INPP5K: variants seen among roughly 807,000 people sequenced by gnomAD.
The protein encoded by INPP5K is inositol polyphosphate 5-phosphatase K.
INPP5K carries 35 observed loss-of-function variants against 53.5 expected under a neutral mutation model. The ratio of observed to expected loss-of-function variants is 0.65; its 90% CI spans 0.50 to 0.87. The LOEUF (loss-of-function observed/expected upper bound fraction) is 0.87, where lower values mean the gene tolerates loss of function less well. Ranked by LOEUF, INPP5K falls within the 40% of genes least tolerant of loss-of-function variation. The pLI, the probability that INPP5K is intolerant of heterozygous loss-of-function variation, is 0.00. For synonymous variants in INPP5K, 253 were observed against 232.8 expected (o/e 1.09, Z -0.79); for missense variants, 550 against 586.2 (o/e 0.94, Z 0.64).
chr17:1,505,929 G>C (rs1031074033), intron 7 of INPP5K, among the ~76,000 whole-genome samples: 58 of 152,310 alleles, frequency 3.8e-4, no homozygotes, highest in African/African-American at 1.1e-3. Context: ...TGTTGCCAGT[G>C]GTTCTTTCTC....
At chr17:1,516,173 GT>G (rs2075430860) in intron 1 of INPP5K, 1 of 1,176,502 alleles carries the variant, frequency 8.5e-7, no homozygotes. Flanking sequence ...TGACGGCCTC[GT>G]TATGTCTTTA....
rs14391 is a variant in INPP5K, at chr17:1,495,006, C to T, written c.*817G>A. On this transcript the variant is annotated 3_prime_UTR_variant, in exon 12 of 12. Coordinates refer to ENST00000421807, the MANE Select transcript of INPP5K (RefSeq NM_016532.4). ...TGACAAGGGTGGCACAGACGCACCT[C>T]ACCTGCCAAGGACCACCCTGGAAAA... is the stretch of plus-strand genomic sequence containing the variant. 1 of 152,196 alleles carries T rather than the reference C, an allele frequency of 6.6e-6. No homozygotes were observed. The highest frequency in any genetic ancestry group is 1.5e-5 in the Non-Finnish European group (1 of 68,052). The allele number at this position is 152,196 out of a possible 1,614,324, so 9.4% of individuals were successfully genotyped here.
chr17:1,496,018 T>G, intron 11 of INPP5K, 42 bp downstream of exon 11: 1 of 1,484,398 alleles, frequency 6.7e-7, no homozygotes, highest in Non-Finnish European at 9.4e-7. Context: ...AGTGATGAGC[T>G]CAAGCCCTCA....
intron 1 of INPP5K, among the ~76,000 whole-genome samples, chr17:1,514,598 C>G (rs550732590): frequency 6.6e-6 from 1 of 152,068 alleles, no homozygotes; most frequent in Admixed American, 6.6e-5. Context: ...TCAGGTCAGG[C>G]TAGCGAAGGG....
chr17:1,515,038 C>G (rs2075400813), intron 1 of INPP5K, among the ~76,000 whole-genome samples: 1 of 151,750 alleles, frequency 6.6e-6, no homozygotes, highest in African/African-American at 2.4e-5. Context: ...TCCCAAGTAG[C>G]TGGGATTACA....
intron 11 of INPP5K, 81 bp from the exon 12 acceptor site, chr17:1,495,960 C>A: frequency 7.1e-7 from 1 of 1,418,120 alleles, no homozygotes; most frequent in Non-Finnish European, 1.0e-6. Flanking sequence ...TGCACTGCAG[C>A]GGCCCCTCAT....
intron 3 of INPP5K, among the ~76,000 whole-genome samples, chr17:1,511,977 T>C (rs553771046): frequency 3.3e-5 from 5 of 151,472 alleles, no homozygotes; most frequent in Non-Finnish European, 5.9e-5. Flanking sequence ...GGAAATGAAG[T>C]AGGAGGAGCG....
At chr17:1,497,393 G>A (rs1394704776) in intron 8 of INPP5K, among the ~76,000 whole-genome samples, 2 of 152,144 alleles carry the variant, frequency 1.3e-5, no homozygotes, top group African/African-American at 4.8e-5. Flanking sequence ...TCAATCACTT[G>A]AGCCCAGGAG....
At chr17:1,515,730 C>G in intron 1 of INPP5K, 1 of 616,742 alleles carries the variant, frequency 1.6e-6, no homozygotes, top group Non-Finnish European at 2.0e-6. Context: ...AACTTCCTGT[C>G]CCTCCCTGTT....
intron 1 of INPP5K, chr17:1,515,875 T>TG: frequency 1.0e-6 from 1 of 978,258 alleles, no homozygotes; most frequent in Non-Finnish European, 1.2e-6. Context: ...GAGACTTCTT[T>TG]TCCCAGACTC....
At chr17:1,515,212 G>A (rs935947923) in intron 1 of INPP5K, among the ~76,000 whole-genome samples, 1 of 152,090 alleles carries the variant, frequency 6.6e-6, no homozygotes, top group South Asian at 2.1e-4. Context: ...CCCGGCCAAG[G>A]AGTTTTTAAG....
chr17:1,514,739 C>T (rs552049541), intron 1 of INPP5K, among the ~76,000 whole-genome samples: 1 of 149,076 alleles, frequency 6.7e-6, no homozygotes, highest in South Asian at 2.1e-4. Flanking sequence ...TTCCTAAGAC[C>T]ACCAGGAAGA....
chr17:1,502,213 G>A (rs1246087199), intron 7 of INPP5K, among the ~76,000 whole-genome samples: 1 of 152,090 alleles, frequency 6.6e-6, no homozygotes, highest in Non-Finnish European at 1.5e-5. Context: ...GCCAGGCGTG[G>A]TGACGGGCGC....
rs1224516410 is a variant in INPP5K at position 1,507,103 on chromosome 17, C to A, written c.667-14G>T. The A allele has an allele frequency of 6.2e-7, 1 of 1,607,756 alleles. No individual in the cohort carries two copies. Among genetic ancestry groups the A allele is most frequent in the Non-Finnish European group, 8.5e-7 (1 of 1,174,464 alleles). ...GGCAATGCTGAGCTGCAGACAAAGT[C>A]ATAGTCCCCGTCTCCCAGTAGTCTC... is the stretch of plus-strand genomic sequence containing the variant. On this transcript the variant is annotated splice_polypyrimidine_tract_variant and intron_variant, in intron 6 of 11. Coordinates refer to ENST00000421807, the MANE Select transcript of INPP5K (RefSeq NM_016532.4).
At chr17:1,506,482 C>T (rs1343813211) in intron 7 of INPP5K, among the ~76,000 whole-genome samples, 2 of 151,980 alleles carry the variant, frequency 1.3e-5, no homozygotes, top group East Asian at 1.9e-4. Flanking sequence ...AAGACAGAGC[C>T]GTGCTTCTAA....
At position 1,500,681 on chromosome 17, in the gene INPP5K, C is replaced by A. The variant is rs548477843; in HGVS notation, c.777-2559G>T. Among the ~76,000 whole-genome samples the A allele has an allele frequency of 2.0e-5, 3 of 151,984 alleles. No individual in the cohort carries two copies. In the East Asian group the frequency reaches 5.9e-4, roughly 30 times the overall value. On this transcript the variant is annotated intron_variant, in intron 7 of 11. Coordinates refer to ENST00000421807, the MANE Select transcript of INPP5K (RefSeq NM_016532.4). ...GCCCGGCCACTGAAACATTTTATAC[C>A]AGTATTATACGATTACACTACATTG...
intron 3 of INPP5K, among the ~76,000 whole-genome samples, chr17:1,510,778 C>T (rs1256791680): frequency 6.6e-6 from 1 of 152,114 alleles, no homozygotes; most frequent in Non-Finnish European, 1.5e-5. Context: ...AGGTGTGCAC[C>T]AACATGCCCG....
chr17:1,509,428 G>A (rs770919178), intron 4 of INPP5K, 75 bp from the exon 5 acceptor site: 1 of 1,407,254 alleles, frequency 7.1e-7, no homozygotes, highest in Admixed American at 1.8e-5. Context: ...TCCTGGACCT[G>A]AGGGCAGACA....
intron 5 of INPP5K, 70 bp downstream of exon 5, chr17:1,509,108 C>T (rs1000645814): frequency 4.6e-5 from 57 of 1,243,272 alleles, no homozygotes; most frequent in Non-Finnish European, 5.6e-5. Flanking sequence ...GACCCAGGCT[C>T]ACTCGTGGGG....
Sources: gnomAD v4.1 joint callset for allele counts (sites outside exome capture counted in the v4.1 genomes callset) on GRCh38, gnomAD v4.1.1 for gene constraint, MANE v1.5 for transcripts, NCBI Gene and HGNC (gene_info 2026-07-23, HGNC 2026-07-21) for gene names.